The following GMPPA variants were observed in gnomAD, a reference collection of about 807,000 sequenced individuals.
GMPPA encodes the protein GDP-mannose pyrophosphorylase A, also known as mannose-1-phosphate guanylyltransferase regulatory subunit alpha.
GMPPA carries 46 observed loss-of-function variants against 58.6 expected under a neutral mutation model. The observed-to-expected ratio is 0.78, with a 90% CI of 0.62 to 1.00. GMPPA has a LOEUF of 1.00. Among genes scored for constraint, GMPPA ranks in the 50% least tolerant of loss-of-function variants. GMPPA has a pLI of 0.00. For synonymous variants in GMPPA, 211 were observed against 214.9 expected (o/e 0.98, Z 0.16); for missense variants, 468 against 556.4 (o/e 0.84, Z 1.60).
In GMPPA at chr2:219,502,080, C is replaced by G; in HGVS notation, c.429+43C>G. On this transcript the variant is annotated intron_variant, in intron 5 of 12. Coordinates refer to ENST00000313597, the MANE Select transcript of GMPPA (RefSeq NM_013335.4). The surrounding 1 kb of genome is among the most constrained non-coding windows in gnomAD (Gnocchi z 4.0). ...GCTGGAGGGTGTAGAGGAGGTGATC[C>G]CAAGAGCTTCCCGGAATTCAGGGTG... The G allele has an allele frequency of 6.3e-7, 1 of 1,591,548 alleles. No homozygotes were observed. The highest frequency in any genetic ancestry group is 8.6e-7 in the Non-Finnish European group (1 of 1,163,314).
chr2:219,505,552 C>T lies in GMPPA; in HGVS notation c.850C>T (p.Arg284Ter), dbSNP rs374903239. The change falls in exon 9 of 13, where the codon CGA becomes TGA. Residue 284 changes from arginine (R) to a stop codon, truncating the protein, a stop_gained. Coordinates refer to ENST00000313597, the MANE Select transcript of GMPPA (RefSeq NM_013335.4). LOFTEE classifies it high-confidence loss of function. ...GCACACCCCAGGGGGCCCATGGATC[C>T]GAGGTACCCAGCCTGCCCCAATTCC... ...AKHTPGGPWI[R>*]GNVYIHPTAK... 12 of 1,566,396 alleles carry T rather than the reference C, an allele frequency of 7.7e-6. No homozygotes were observed. The highest frequency in any genetic ancestry group is 2.7e-5 in the African/African-American group (2 of 73,898).
In GMPPA at chr2:219,501,603, T is replaced by TG. The variant is rs142347571; in HGVS notation, c.242+31dup. On this transcript the variant is annotated intron_variant, in intron 4 of 12. Coordinates refer to ENST00000313597, the MANE Select transcript of GMPPA (RefSeq NM_013335.4). ...AGGTGTTTGTGCACACACTCGTATA[T>TG]GGGGGGGTGGGGATGCCCTAGGCCT... is the stretch of plus-strand genomic sequence containing the variant. The TG allele has an allele frequency of 2.3e-5, 31 of 1,347,150 alleles. 1 individual carries two copies. The highest frequency in any genetic ancestry group is 4.6e-5 in the East Asian group (2 of 43,580). The allele number at this position is 1,347,150 out of a possible 1,614,324, so 83.4% of individuals were successfully genotyped here.
In GMPPA at chr2:219,504,961, G is replaced by A. The variant is rs113405327; in HGVS notation, c.621-267G>A. On this transcript the variant is annotated intron_variant, in intron 7 of 12. Transcript: ENST00000313597. ...ATGGGGATGAGAATGTGAAAATGGG[G>A]GGAACTCCTTATGGAAATGGGGCAG... 2.4e-5 allele frequency: 23 copies of A among 973,400 alleles called. No individual in the cohort carries two copies. In the African/African-American group the frequency reaches 2.4e-4, roughly 10 times the overall value. 60.3% of individuals were successfully genotyped at this position (973,400 alleles called of 1,614,324 possible). A position where few individuals can be genotyped will look rare whatever the true frequency, so the allele number is the denominator to read the frequency against.
intron 3 of GMPPA, 88 bp downstream of exon 3, chr2:219,500,306 A>T: frequency 1.3e-6 from 1 of 767,202 alleles, no homozygotes; most frequent in Admixed American, 2.0e-5. Context: ...TCTTCCCACC[A>T]GGCATAACTC....
At chr2:219,501,721 G>C (rs1694398122) in intron 4 of GMPPA, 130 bp from the exon 5 acceptor site, 1 of 902,396 alleles carries the variant, frequency 1.1e-6, no homozygotes, top group African/African-American at 1.7e-5. Context: ...GAATCTCTGA[G>C]TATATAGAGT....
At position 219,502,093 on chromosome 2, in the gene GMPPA, G is replaced by A. The variant is rs1409766298; in HGVS notation, c.429+56G>A. The A allele has an allele frequency of 1.0e-5, 16 of 1,572,456 alleles. No individual in the cohort carries two copies. The highest frequency in any genetic ancestry group is 3.5e-4 in the Middle Eastern group (2 of 5,636). ...GAGGAGGTGATCCCAAGAGCTTCCC[G>A]GAATTCAGGGTGTTGGGGAGGCAGG... On this transcript the variant is annotated intron_variant, in intron 5 of 12. Transcript: ENST00000313597. The surrounding 1 kb of genome is among the most constrained non-coding windows in gnomAD (Gnocchi z 4.0).
rs1694327591 is a variant in GMPPA, at chr2:219,499,885, G to A, written c.-20-71G>A. 6 of 1,137,264 alleles carry A rather than the reference G, an allele frequency of 5.3e-6. No homozygotes were observed. The Admixed American group carries it at 1.0e-4, about 19-fold the overall frequency. The allele number at this position is 1,137,264 out of a possible 1,614,324, so 70.4% of individuals were successfully genotyped here. A position where few individuals can be genotyped will look rare whatever the true frequency, so the allele number is the denominator to read the frequency against. The stretch of plus-strand genomic sequence containing the variant: ...TTTACATCTTGGGAGAGGGCTAAGT[G>A]TTGCTATTTGGGTTTTGGGGCTTGG... On this transcript the variant is annotated intron_variant, in intron 1 of 12. Coordinates refer to ENST00000313597, the MANE Select transcript of GMPPA (RefSeq NM_013335.4).
In GMPPA at chr2:219,503,051, C is replaced by T. The variant is rs1300933667; in HGVS notation, c.489+610C>T. ...TGGCATGATCTTGGGTCACTGCATCCTCGACCTCCCAGGTTTAAGCCATCC... is the reference window on the plus strand; with the variant it reads ...TGGCATGATCTTGGGTCACTGCATCTTCGACCTCCCAGGTTTAAGCCATCC... On this transcript the variant is annotated intron_variant, in intron 6 of 12. Coordinates refer to ENST00000313597, the MANE Select transcript of GMPPA (RefSeq NM_013335.4). Among the ~76,000 whole-genome samples, 3 of 152,112 alleles carry T rather than the reference C, an allele frequency of 2.0e-5. No individual in the cohort carries two copies. In the East Asian group the frequency reaches 5.8e-4, roughly 29 times the overall value.
rs773633201 is a variant in GMPPA, at chr2:219,505,632, A to G, written c.853+77A>G. 4.4e-6 allele frequency: 7 copies of G among 1,584,398 alleles called. No homozygotes were observed. In the Admixed American group the frequency reaches 8.4e-5, roughly 19 times the overall value. On this transcript the variant is annotated intron_variant, in intron 9 of 12. Coordinates refer to ENST00000313597, the MANE Select transcript of GMPPA (RefSeq NM_013335.4). ...AACCAGGATTCTTGACCTCGAGTCC[A>G]GAGTTAAAGCCTCAATCCCTGCCCC... is the stretch of plus-strand genomic sequence containing the variant.
Position 219,506,954 on chromosome 2 carries a change from C to T in GMPPA, c.*156C>T, listed in dbSNP as rs1414886396. On this transcript the variant is annotated 3_prime_UTR_variant, in exon 13 of 13. Transcript: ENST00000313597. ...GGCCTGGGGACTCCTGGGTTTTCTC[C>T]CTCCCGACTCCCTAATAAACCCCGT... 2.3e-5 allele frequency: 14 copies of T among 616,886 alleles called. No homozygotes were observed. Among genetic ancestry groups the T allele is most frequent in the Non-Finnish European group, 3.5e-5 (12 of 343,582 alleles). 38.2% of individuals were successfully genotyped at this position (616,886 alleles called of 1,614,324 possible).
intron 1 of GMPPA, 112 bp from the exon 2 acceptor site, chr2:219,499,844 T>C: frequency 1.0e-5 from 8 of 790,008 alleles, no homozygotes; most frequent in Non-Finnish European, 1.8e-5. Flanking sequence ...AGGCAGAGAC[T>C]ATATTGAGCT....
chr2:219,500,030 G>GA lies in GMPPA; in HGVS notation c.40+17dup. The GA allele has an allele frequency of 6.2e-7, 1 of 1,613,370 alleles. No individual in the cohort carries two copies. ...CCCTCAAAAGGGTGAGGTGCCAGGG[G>GA]AATGGGGGGAGGAGGTTGGGCTGGA... On this transcript the variant is annotated intron_variant, in intron 2 of 12. Coordinates refer to ENST00000313597, the MANE Select transcript of GMPPA (RefSeq NM_013335.4).
In GMPPA at chr2:219,506,256, G is replaced by GCA; in HGVS notation, c.1000_1001dup (p.Cys335ArgfsTer67). 1 of 1,606,868 alleles carries GCA rather than the reference G, an allele frequency of 6.2e-7. No individual in the cohort carries two copies. The highest frequency in any genetic ancestry group is 1.1e-5 in the South Asian group (1 of 90,470). On this transcript the variant is annotated frameshift_variant, in exon 12 of 13. Transcript: ENST00000313597. LOFTEE classifies it high-confidence loss of function. ...CCTTTCACTGTCCTCTTTGGCAGGA[G>GCA]CACACGTGTGTTCTGCATAGCATCG...
chr2:219,505,603 T>C, intron 9 of GMPPA, 48 bp downstream of exon 9: 1 of 1,573,524 alleles, frequency 6.4e-7, no homozygotes, highest in Non-Finnish European at 8.7e-7. Context: ...ACCCCAGCCC[T>C]CTGAACCAGG....
chr2:219,504,028 G>A (rs1208811256), intron 6 of GMPPA, 55 bp from the exon 7 acceptor site: 1 of 1,601,480 alleles, frequency 6.2e-7, no homozygotes, highest in African/African-American at 1.3e-5. Flanking sequence ...GAGGGTCTTA[G>A]GGGACTGTGG....
In GMPPA at chr2:219,505,327, C is replaced by A. The variant is rs768168918; in HGVS notation, c.720C>A (p.Leu240=). 2.2e-5 allele frequency: 35 copies of A among 1,613,994 alleles called. No homozygotes were observed. In the South Asian group the frequency reaches 3.8e-4, roughly 18 times the overall value. The change falls in exon 8 of 13, where the codon CTC becomes CTA. Residue 240 remains leucine, a synonymous_variant. Transcript: ENST00000313597. ...LAGQGQIYVH[L]TDGIWSQIKS... The stretch of plus-strand genomic sequence containing the variant: ...GGCAGGGCCAGATATACGTGCATCT[C>A]ACTGATGGTATCTGGAGTCAGATCA...
chr2:219,505,965 T>G lies in GMPPA; in HGVS notation c.901-15T>G. On this transcript the variant is annotated splice_polypyrimidine_tract_variant and intron_variant, in intron 10 of 12. Transcript: ENST00000313597. ...AAGTCCCTCCAGGGCTTATGGTGTGTGCTTCTCTCCACAGCTGGGCCCCAA... is the reference window on the plus strand; with the variant it reads ...AAGTCCCTCCAGGGCTTATGGTGTGGGCTTCTCTCCACAGCTGGGCCCCAA... 1 of 1,535,046 alleles carries G rather than the reference T, an allele frequency of 6.5e-7. No homozygotes were observed. Among genetic ancestry groups the G allele is most frequent in the African/African-American group, 1.4e-5 (1 of 73,200 alleles).
rs1055923824 is a variant in GMPPA at position 219,506,921 on chromosome 2, A to T, written c.*123A>T. 3 of 650,984 alleles carry T rather than the reference A, an allele frequency of 4.6e-6. No homozygotes were observed. The highest frequency in any genetic ancestry group is 2.7e-5 in the East Asian group (1 of 36,736). The allele number at this position is 650,984 out of a possible 1,614,324, so 40.3% of individuals were successfully genotyped here. ...CTGGATCGTCACATGCCGGGGAGCA[A>T]TGTGGATGGCCTGGGGACTCCTGGG... On this transcript the variant is annotated 3_prime_UTR_variant, in exon 13 of 13. Transcript: ENST00000313597.
intron 1 of GMPPA, chr2:219,499,322 G>T (rs1170561724): frequency 1.3e-5 from 2 of 152,866 alleles, no homozygotes; most frequent in Non-Finnish European, 2.9e-5. Context: ...TTCAAATTCA[G>T]ATCAGTGTTA....
Sources: gnomAD v4.1 joint callset for allele counts (sites outside exome capture counted in the v4.1 genomes callset) on GRCh38, gnomAD v4.1.1 for gene constraint, Gnocchi (gnomAD v3.1) non-coding constraint, MANE v1.5 for transcripts, NCBI Gene and HGNC (gene_info 2026-07-23, HGNC 2026-07-21) for gene names.